RYR2: variants seen among roughly 807,000 people sequenced by gnomAD.
RYR2 encodes cardiac muscle ryanodine receptor-calcium release channel.
RYR2 carries 227 observed loss-of-function variants against 601.1 expected under a neutral mutation model. The ratio of observed to expected loss-of-function variants is 0.38; its 90% CI spans 0.34 to 0.42. RYR2 has a LOEUF of 0.42. Ranked by LOEUF, RYR2 falls within the 10% of genes least tolerant of loss-of-function variation. The pLI is 1.00. For synonymous variants in RYR2, 2,223 were observed against 2,175.1 expected (o/e 1.02, Z -0.61); for missense variants, 4,646 against 6,156.5 (o/e 0.75, Z 8.21).
chr1:237,586,870 C>T (rs1674587350), intron 29 of RYR2, among the ~76,000 whole-genome samples: 1 of 151,946 alleles, frequency 6.6e-6, no homozygotes, highest in Non-Finnish European at 1.5e-5. Flanking sequence ...CAGGTGCCCA[C>T]CACCATGCCC....
chr1:237,738,566 TTTAAG>T (rs1191484464), intron 79 of RYR2, among the ~76,000 whole-genome samples: 1 of 152,076 alleles, frequency 6.6e-6, no homozygotes, highest in African/African-American at 2.4e-5. Flanking sequence ...ATATATATAA[TTTAAG>T]TTGTTACTGA....
chr1:237,184,642 T>C (rs1403166573), intron 1 of RYR2, among the ~76,000 whole-genome samples: 1 of 152,180 alleles, frequency 6.6e-6, no homozygotes, highest in African/African-American at 2.4e-5. Context: ...TTAGCTATAC[T>C]GAAGTACCAT....
At position 237,452,097 on chromosome 1, in the gene RYR2, GTGTGTGTGTA is replaced by G. The variant is rs57393891; in HGVS notation, c.1293-2282_1293-2273del. Among the ~76,000 whole-genome samples, 1,176 of 111,688 alleles carry G rather than the reference GTGTGTGTGTA, an allele frequency of 0.011. 33 individuals are homozygous for G. In the East Asian group the frequency reaches 0.15, roughly 14 times the overall value. 73.3% of individuals were successfully genotyped at this position (111,688 alleles called of 152,430 possible). A position where few individuals can be genotyped will look rare whatever the true frequency, so the allele number is the denominator to read the frequency against. ...AAATTTTGTGTGTGTGTGTGTGTGT[GTGTGTGTGTA>G]TGTGTGTGTATACTTCTAATAGTAA... On this transcript the variant is annotated intron_variant, in intron 14 of 104. Transcript: ENST00000366574.
chr1:237,115,290 C>T (rs1246237456), intron 1 of RYR2, among the ~76,000 whole-genome samples: 2 of 152,138 alleles, frequency 1.3e-5, no homozygotes, highest in Admixed American at 6.5e-5. Context: ...GGCTGGACCA[C>T]TCCTTCCCAG....
chr1:237,380,830 C>A (rs953834858), intron 8 of RYR2, among the ~76,000 whole-genome samples: 1 of 152,024 alleles, frequency 6.6e-6, no homozygotes, highest in Admixed American at 6.6e-5. Flanking sequence ...GTAATCCCAA[C>A]ACTCTGGAAG....
At chr1:237,662,780 A>G (rs940289797) in intron 56 of RYR2, among the ~76,000 whole-genome samples, 3 of 152,218 alleles carry the variant, frequency 2.0e-5, no homozygotes, top group Non-Finnish European at 4.4e-5. Context: ...TAAATTTCAT[A>G]TGCGATTTCA....
At chr1:237,642,566 A>G (rs1461364702) in intron 47 of RYR2, among the ~76,000 whole-genome samples, 2 of 152,206 alleles carry the variant, frequency 1.3e-5, no homozygotes, top group African/African-American at 4.8e-5. Context: ...AAGTGAAGGA[A>G]TAGGGGACCA....
intron 1 of RYR2, among the ~76,000 whole-genome samples, chr1:237,136,903 G>A (rs1015028856): frequency 8.6e-5 from 13 of 151,340 alleles, no homozygotes; most frequent in Non-Finnish European, 1.5e-4. Flanking sequence ...TGTAATCCCA[G>A]CTACTCAGGA....
intron 8 of RYR2, among the ~76,000 whole-genome samples, chr1:237,384,208 T>G (rs1398108656): frequency 3.3e-5 from 5 of 152,216 alleles, no homozygotes; most frequent in Admixed American, 3.3e-4. Flanking sequence ...AGACTGAAAT[T>G]TTCATATGCT....
chr1:237,605,650 T>C (rs1677037302), intron 35 of RYR2, among the ~76,000 whole-genome samples: 1 of 151,906 alleles, frequency 6.6e-6, no homozygotes, highest in Non-Finnish European at 1.5e-5. Context: ...GATGACATAA[T>C]TGTATATTTA....
In RYR2 at chr1:237,330,889, A is replaced by C. The variant is rs1696641571; in HGVS notation, c.180A>C (p.Pro60=). The change falls in exon 3 of 105, where the codon CCA becomes CCC. Residue 60 remains proline, a synonymous_variant. Coordinates refer to ENST00000366574, the MANE Select transcript of RYR2 (RefSeq NM_001035.3). The part of the protein sequence containing the change: ...ESTSNSKNVP[P]DLSICTFVLE... ...CTCTTTCTGTGCAGAATGTGCCCCC[A>C]GACCTCTCCATCTGCACCTTTGTGC... is the stretch of plus-strand genomic sequence containing the variant. 1.2e-6 allele frequency: 2 copies of C among 1,613,902 alleles called. No homozygotes were observed. Among genetic ancestry groups the C allele is most frequent in the Non-Finnish European group, 1.7e-6 (2 of 1,179,800 alleles).
chr1:237,284,520 ATGTATTGTGTGT>A (rs1691284246), intron 2 of RYR2, among the ~76,000 whole-genome samples: 1 of 74,232 alleles, frequency 1.3e-5, no homozygotes. Context: ...TATATAATAT[ATGTATTGTGTGT>A]ATATATATAG....
At chr1:237,159,903 G>A (rs1675821218) in intron 1 of RYR2, among the ~76,000 whole-genome samples, 1 of 152,094 alleles carries the variant, frequency 6.6e-6, no homozygotes, top group South Asian at 2.1e-4. Context: ...TTATTAACGT[G>A]CACTTGAAAA....
At chr1:237,592,748 C>T (rs1051930923) in intron 32 of RYR2, among the ~76,000 whole-genome samples, 1 of 151,722 alleles carries the variant, frequency 6.6e-6, no homozygotes, top group Admixed American at 6.6e-5. Flanking sequence ...TGGCCAGGTG[C>T]GGTGACTCGC....
intron 104 of RYR2, 77 bp downstream of exon 104, chr1:237,831,642 T>G: frequency 1.2e-6 from 1 of 843,368 alleles, no homozygotes; most frequent in Non-Finnish European, 1.9e-6. Flanking sequence ...ATGTGTGCAT[T>G]AAACAGTGAG....
intron 2 of RYR2, among the ~76,000 whole-genome samples, chr1:237,308,792 G>A (rs1233043361): frequency 1.3e-5 from 2 of 152,220 alleles, no homozygotes; most frequent in East Asian, 1.9e-4. Context: ...GACCTGAGCA[G>A]GTTGCCTCTG....
At chr1:237,479,433 C>T (rs1341729358) in intron 17 of RYR2, among the ~76,000 whole-genome samples, 2 of 152,124 alleles carry the variant, frequency 1.3e-5, no homozygotes, top group African/African-American at 4.8e-5. Flanking sequence ...GAATGATGCG[C>T]TTGGTTTGTC....
At chr1:237,603,451 C>A (rs1167444137) in intron 35 of RYR2, among the ~76,000 whole-genome samples, 1 of 152,140 alleles carries the variant, frequency 6.6e-6, no homozygotes, top group Non-Finnish European at 1.5e-5. Flanking sequence ...GCTTCTGGCG[C>A]CAAGTGCCCG....
At chr1:237,520,840 AGCCTG>A (rs1558961132) in intron 24 of RYR2, among the ~76,000 whole-genome samples, 1 of 152,156 alleles carries the variant, frequency 6.6e-6, no homozygotes, top group Non-Finnish European at 1.5e-5. Flanking sequence ...GTTCCAGACC[AGCCTG>A]GCCAACATGG....
Sources: allele counts gnomAD v4.1 joint callset (sites outside exome capture counted in the v4.1 genomes callset), GRCh38; gene constraint gnomAD v4.1.1; transcripts MANE v1.5; gene names NCBI Gene and HGNC (gene_info 2026-07-23, HGNC 2026-07-21).